Variants in GAD2 observed in about 807,000 individuals in gnomAD.
GAD2 encodes glutamate decarboxylase 2.
A neutral mutation model predicts 80.1 loss-of-function variants in GAD2; 22 were observed. That is an observed-to-expected ratio of 0.27 (90% confidence interval 0.20 to 0.39). The LOEUF (loss-of-function observed/expected upper bound fraction) is 0.39, where lower values mean the gene tolerates loss of function less well. GAD2 is among the 10% of genes least tolerant of loss of function. The pLI is 1.00. For missense variants in GAD2, 624 were observed against 738.4 expected, an observed-to-expected ratio of 0.85 and a Z score of 1.80; for synonymous variants, 274 against 256.9, an observed-to-expected ratio of 1.07 and a Z score of -0.64.
intron 13 of GAD2, among the ~76,000 whole-genome samples, chr10:26,286,991 C>A (rs962670967): frequency 6.6e-6 from 1 of 152,164 alleles, no homozygotes; most frequent in Non-Finnish European, 1.5e-5. Flanking sequence ...TACCTAATCA[C>A]CTCCTTTTAT....
chr10:26,264,589 C>T (rs1167837232), intron 8 of GAD2, among the ~76,000 whole-genome samples: 1 of 152,110 alleles, frequency 6.6e-6, no homozygotes, highest in Non-Finnish European at 1.5e-5. Flanking sequence ...GGATAACAGG[C>T]GTGGAGCCAC....
At chr10:26,275,993 G>T (rs57729809) in intron 11 of GAD2, among the ~76,000 whole-genome samples, 2,904 of 151,982 alleles carry the variant, frequency 0.019, 88 homozygotes, top group African/African-American at 0.066. Context: ...TCTACAAAAA[G>T]AATTTGTTTT....
intron 8 of GAD2, among the ~76,000 whole-genome samples, chr10:26,256,257 T>G (rs114969589): frequency 0.041 from 6,173 of 151,866 alleles, 351 homozygotes; most frequent in African/African-American, 0.12. Flanking sequence ...ATTATATATA[T>G]ATATAGAGAG....
At position 26,270,717 on chromosome 10, in the gene GAD2, T is replaced by G. The variant is rs776742322; in HGVS notation, c.1053T>G (p.Ala351=). 1.2e-6 allele frequency: 2 copies of G among 1,613,934 alleles called. No individual in the cohort carries two copies. Among genetic ancestry groups the G allele is most frequent in the Non-Finnish European group, 1.7e-6 (2 of 1,179,926 alleles). ...YGAFDPLLAV[A]DICKKYKIWM... ...CATTTGACCCCCTCTTAGCTGTCGCTGACATTTGCAAAAAGTATAAGATCT... is the reference window on the plus strand; with the variant it reads ...CATTTGACCCCCTCTTAGCTGTCGCGGACATTTGCAAAAAGTATAAGATCT... The change falls in exon 10 of 16, where the codon GCT becomes GCG. Residue 351 remains alanine (A), a synonymous_variant. Coordinates refer to ENST00000376261, the MANE Select transcript of GAD2 (RefSeq NM_001134366.2).
At position 26,270,701 on chromosome 10, in the gene GAD2, C is replaced by G. The variant is rs775222691; in HGVS notation, c.1037C>G (p.Pro346Arg). 5.7e-5 allele frequency: 92 copies of G among 1,614,022 alleles called. No homozygotes were observed. Among genetic ancestry groups the G allele is most frequent in the Non-Finnish European group, 7.5e-5 (89 of 1,180,006 alleles). Residue 346 changes from proline to arginine, a missense_variant, in exon 10 of 16, where the codon CCC becomes CGC. Transcript: ENST00000376261. Reference protein sequence around the residue: ...AGTTVYGAFDPLLAVADICKK... With the variant: ...AGTTVYGAFDRLLAVADICKK... ...ACCACCGTGTACGGAGCATTTGACC[C>G]CCTCTTAGCTGTCGCTGACATTTGC... is the stretch of plus-strand genomic sequence containing the variant.
intron 15 of GAD2, among the ~76,000 whole-genome samples, chr10:26,294,637 G>A (rs1200979749): frequency 6.6e-6 from 1 of 152,176 alleles, no homozygotes; most frequent in Non-Finnish European, 1.5e-5. Context: ...ATGGAAGAAA[G>A]CTTCTAGAAC....
At chr10:26,287,991 T>C (rs535615576) in intron 13 of GAD2, among the ~76,000 whole-genome samples, 5 of 152,300 alleles carry the variant, frequency 3.3e-5, no homozygotes, top group East Asian at 1.9e-4. Context: ...CACAAGTCTG[T>C]GTAAAAAGGT....
At chr10:26,270,533 A>C (rs1845122622) in intron 9 of GAD2, 107 bp from the exon 10 acceptor site, 1 of 819,552 alleles carries the variant, frequency 1.2e-6, no homozygotes, top group Non-Finnish European at 2.1e-6. Flanking sequence ...TGCTTCCTCA[A>C]ATTCAGACGT....
chr10:26,269,011 T>C lies in GAD2; in HGVS notation c.921-108T>C, dbSNP rs994107806. The C allele has an allele frequency of 1.0e-5, 7 of 692,198 alleles. No individual in the cohort carries two copies. The African/African-American group carries it at 1.3e-4, about 12-fold the overall frequency. 42.9% of individuals were successfully genotyped at this position (692,198 alleles called of 1,614,324 possible). ...GTCAAGGAGTTGTTTTCTCCGAGTATTGTTATCAACAGTTTGGGGTTGGAC... is the reference window on the plus strand; with the variant it reads ...GTCAAGGAGTTGTTTTCTCCGAGTACTGTTATCAACAGTTTGGGGTTGGAC... On this transcript the variant is annotated intron_variant, in intron 8 of 15. Transcript: ENST00000376261.
intron 8 of GAD2, among the ~76,000 whole-genome samples, chr10:26,261,756 C>T (rs542758084): frequency 1.4e-4 from 21 of 152,240 alleles, no homozygotes; most frequent in Admixed American, 9.2e-4. Flanking sequence ...TGTTTCTTCT[C>T]TTCTCTTCCC....
intron 15 of GAD2, among the ~76,000 whole-genome samples, chr10:26,299,290 C>A (rs1181526639): frequency 6.6e-6 from 1 of 152,174 alleles, no homozygotes; most frequent in Non-Finnish European, 1.5e-5. Context: ...ATGTTCATAA[C>A]AGCATTCCAT....
intron 10 of GAD2, 54 bp downstream of exon 10, chr10:26,270,810 G>A (rs1202535309): frequency 8.1e-6 from 9 of 1,113,670 alleles, no homozygotes; most frequent in Admixed American, 5.2e-5. Context: ...TTTTTCATGT[G>A]GGACACACAA....
rs775115743 is a variant in GAD2 at position 26,286,418 on chromosome 10, A to G, written c.1310A>G (p.Tyr437Cys). The G allele has an allele frequency of 2.1e-5, 34 of 1,613,888 alleles. No homozygotes were observed. The highest frequency in any genetic ancestry group is 2.8e-5 in the Non-Finnish European group (33 of 1,179,932). The change falls in exon 13 of 16, where the codon TAT becomes TGT. Residue 437 changes from tyrosine to cysteine, a missense_variant. By Grantham distance (194) the Tyr-to-Cys change is radical (BLOSUM62 -2). Transcript: ENST00000376261. ...FQQDKHYDLS[Y>C]DTGDKALQCG... ...CAAGATAAACATTATGACCTGTCCTATGACACTGGAGACAAGGCCTTACAG... is the reference window on the plus strand; with the variant it reads ...CAAGATAAACATTATGACCTGTCCTGTGACACTGGAGACAAGGCCTTACAG...
chr10:26,219,071 G>T lies in GAD2; in HGVS notation c.315G>T (p.Arg105Ser), dbSNP rs1432458479. ...TDLLPACDGERPTLAFLQDVM... is the reference protein window; with the variant it reads ...TDLLPACDGESPTLAFLQDVM... ...TGCTGCCGGCGTGTGATGGAGAAAG[G>T]CCCACTTTGGCGTTTCTGCAAGATG... The change falls in exon 4 of 16, where the codon AGG (arginine) becomes AGT (serine). Residue 105 changes from arginine to serine, a missense_variant. By Grantham distance (110) the Arg-to-Ser change is moderately radical. Coordinates refer to ENST00000376261, the MANE Select transcript of GAD2 (RefSeq NM_001134366.2). 4.4e-6 allele frequency: 7 copies of T among 1,594,342 alleles called. No individual in the cohort carries two copies. The highest frequency in any genetic ancestry group is 6.0e-6 in the Non-Finnish European group (7 of 1,169,230).
chr10:26,228,528 G>T (rs1443177667), intron 6 of GAD2, among the ~76,000 whole-genome samples: 2 of 152,128 alleles, frequency 1.3e-5, no homozygotes, highest in East Asian at 3.9e-4. Context: ...TTATAACAGG[G>T]GTCCCCAACC....
chr10:26,276,635 G>A (rs774155100), intron 11 of GAD2, among the ~76,000 whole-genome samples: 4 of 152,116 alleles, frequency 2.6e-5, no homozygotes, highest in South Asian at 4.1e-4. Flanking sequence ...TGATCCGCTC[G>A]CCTCGGCCTC....
intron 15 of GAD2, among the ~76,000 whole-genome samples, chr10:26,297,837 T>C (rs1030216266): frequency 8.5e-5 from 13 of 152,178 alleles, no homozygotes; most frequent in Admixed American, 7.9e-4. Context: ...GAGTCATACA[T>C]ATTCAGTAGG....
Position 26,217,758 on chromosome 10 carries a change from G to T in GAD2, c.137-84G>T, listed in dbSNP as rs1384060059. The T allele has an allele frequency of 1.3e-6, 2 of 1,584,474 alleles. No homozygotes were observed. The highest frequency in any genetic ancestry group is 1.8e-5 in the Admixed American group (1 of 55,338). ...CCGCATCCCAGTCAGCGGAGTCGGG[G>T]TTTCCTGGCTGCGGGTAGGCGGGAG... On this transcript the variant is annotated intron_variant, in intron 2 of 15. Coordinates refer to ENST00000376261, the MANE Select transcript of GAD2 (RefSeq NM_001134366.2). This position sits in a 1 kb window ranked among gnomAD's most constrained non-coding sequence, Gnocchi z 4.9.
chr10:26,257,419 C>A (rs919036229), intron 8 of GAD2, among the ~76,000 whole-genome samples: 1 of 152,172 alleles, frequency 6.6e-6, no homozygotes, highest in Non-Finnish European at 1.5e-5. Context: ...TTCTTCCACT[C>A]ATTCTCCCTG....
Sources: gnomAD v4.1 joint callset for allele counts (sites outside exome capture counted in the v4.1 genomes callset) on GRCh38, gnomAD v4.1.1 for gene constraint, Gnocchi (gnomAD v3.1) non-coding constraint, MANE v1.5 for transcripts, NCBI Gene and HGNC (gene_info 2026-07-23, HGNC 2026-07-21) for gene names.